PCGF3: variants seen among roughly 807,000 people sequenced by gnomAD.
The protein encoded by PCGF3 is polycomb group RING finger protein 3.
PCGF3 carries 7 observed loss-of-function variants against 33.1 expected under a neutral mutation model. The observed-to-expected ratio is 0.21, with a 90% CI of 0.12 to 0.40. PCGF3 has a LOEUF of 0.40. Ranked by LOEUF, PCGF3 falls within the 10% of genes least tolerant of loss-of-function variation. The pLI, the probability that PCGF3 is intolerant of heterozygous loss-of-function variation, is 1.00. For synonymous variants in PCGF3, 153 were observed against 121.3 expected, an observed-to-expected ratio of 1.26 and a Z score of -1.72; for missense variants, 211 against 313.3, an observed-to-expected ratio of 0.67 and a Z score of 2.46.
At chr4:769,804 G>GA (rs1274437247) in exon 11 of PCGF3, 2 of 152,828 alleles carry the variant, frequency 1.3e-5, no homozygotes, top group East Asian at 3.9e-4. Context: ...TTGGGTTGGG[G>GA]AAGACAGTGC....
At chr4:749,732 G>A (rs552675815) in intron 8 of PCGF3, among the ~76,000 whole-genome samples, 4 of 152,174 alleles carry the variant, frequency 2.6e-5, no homozygotes, top group Non-Finnish European at 4.4e-5. Context: ...TGATCCACCT[G>A]CCTCGGCTTC....
At chr4:708,134 G>A (rs528927061) in intron 1 of PCGF3, among the ~76,000 whole-genome samples, 33 of 152,184 alleles carry the variant, frequency 2.2e-4, no homozygotes, top group African/African-American at 7.2e-4. Context: ...CCCAGGGCCC[G>A]GCACCCTGAG....
In PCGF3 at chr4:724,360, C is replaced by T. The variant is rs575890526; in HGVS notation, c.-189-6270C>T. The stretch of plus-strand genomic sequence containing the variant: ...CAGTCCTGTGGGCCACCACAGCCGG[C>T]CGCACAGGCAGGGAAGGTGAAGCTC... On this transcript the variant is annotated intron_variant, in intron 1 of 10. Transcript: ENST00000362003. Among the ~76,000 whole-genome samples the T allele has an allele frequency of 3.4e-4, 52 of 152,328 alleles. No individual in the cohort carries two copies. In the Middle Eastern group the frequency reaches 0.014, roughly 40 times the overall value.
chr4:737,479 A>C, exon 6 of PCGF3: 10 of 1,609,828 alleles, frequency 6.2e-6, no homozygotes, highest in Non-Finnish European at 8.5e-6. Flanking sequence ...TGACAGAACC[A>C]TGCAAGATAT....
chr4:743,375 A>C (rs1034067288), intron 6 of PCGF3, 99 bp from the exon 7 acceptor site: 13 of 709,602 alleles, frequency 1.8e-5, no homozygotes, highest in South Asian at 3.4e-5. Flanking sequence ...CAAACTTCAT[A>C]ATGCAAATCC....
intron 4 of PCGF3, chr4:734,142 A>C (rs1282954132): frequency 6.4e-7 from 1 of 1,550,492 alleles, no homozygotes; most frequent in Non-Finnish European, 8.7e-7. Flanking sequence ...GGAACCTTCC[A>C]GTGTGTTCTT....
intron 8 of PCGF3, among the ~76,000 whole-genome samples, chr4:748,051 C>T (rs1026132721): frequency 5.9e-5 from 9 of 152,102 alleles, no homozygotes; most frequent in Non-Finnish European, 1.3e-4. Flanking sequence ...GAAAGTAAAG[C>T]CTGGCAGTGT....
At chr4:753,059 C>G (rs1744597248) in intron 8 of PCGF3, among the ~76,000 whole-genome samples, 1 of 152,254 alleles carries the variant, frequency 6.6e-6, no homozygotes, top group South Asian at 2.1e-4. Flanking sequence ...CACTGGAGGC[C>G]CCTCTGGGTG....
chr4:707,315 A>T (rs1577389147), intron 1 of PCGF3, among the ~76,000 whole-genome samples: 1 of 152,228 alleles, frequency 6.6e-6, no homozygotes, highest in South Asian at 2.1e-4. Context: ...TAGATCCCCC[A>T]GGAAGGTCCT....
chr4:760,882 TC>T (rs1745017001), intron 8 of PCGF3, among the ~76,000 whole-genome samples: 1 of 152,212 alleles, frequency 6.6e-6, no homozygotes, highest in South Asian at 2.1e-4. Context: ...CCTACTGTCT[TC>T]CTGCAGTCGC....
At chr4:767,574 C>T (rs1176168462) in exon 11 of PCGF3, 3 of 152,096 alleles carry the variant, frequency 2.0e-5, no homozygotes, top group Non-Finnish European at 2.9e-5. Context: ...TCGCTGTTTT[C>T]TTCTGCTTCC....
intron 6 of PCGF3, among the ~76,000 whole-genome samples, chr4:738,511 G>A (rs4690297): frequency 0.078 from 11,807 of 152,160 alleles, 502 homozygotes; most frequent in South Asian, 0.14. Flanking sequence ...GCGGGATCGG[G>A]GCGGGACCCC....
chr4:713,107 T>C lies in PCGF3; in HGVS notation c.-190+7137T>C, dbSNP rs1340903578. Among the ~76,000 whole-genome samples the C allele has an allele frequency of 2.7e-5, 4 of 150,710 alleles. No individual in the cohort carries two copies. The East Asian group carries it at 8.0e-4, about 30-fold the overall frequency. Reference sequence around the variant, plus strand: ...TGGGTCCTATGTTCTTCGTGGGTCCTGTGTGGTCTGGTGGGGGCTGTGGCC... The same window carrying C: ...TGGGTCCTATGTTCTTCGTGGGTCCCGTGTGGTCTGGTGGGGGCTGTGGCC... On this transcript the variant is annotated intron_variant, in intron 1 of 10. Coordinates refer to ENST00000362003, the Ensembl canonical transcript of PCGF3.
chr4:731,631 C>T (rs1743569935), intron 3 of PCGF3, among the ~76,000 whole-genome samples: 1 of 85,384 alleles, frequency 1.2e-5, no homozygotes, highest in Non-Finnish European at 2.7e-5. Context: ...GCGTGGTCCT[C>T]AGGGGCGTAG....
intron 8 of PCGF3, among the ~76,000 whole-genome samples, chr4:760,349 T>A (rs750946386): frequency 2.1e-5 from 3 of 144,388 alleles, no homozygotes; most frequent in Non-Finnish European, 3.0e-5. Context: ...TTATCTCTAC[T>A]CCTGATGGGT....
At chr4:766,307 C>G in exon 11 of PCGF3, 1 of 480,606 alleles carries the variant, frequency 2.1e-6, no homozygotes, top group Non-Finnish European at 3.7e-6. Context: ...TCCTCTCCCC[C>G]GCCCCACCCC....
intron 1 of PCGF3, among the ~76,000 whole-genome samples, chr4:711,892 C>T (rs1013429576): frequency 6.7e-6 from 1 of 150,288 alleles, no homozygotes; most frequent in Non-Finnish European, 1.5e-5. Flanking sequence ...ACCCGGGAAG[C>T]GGAGTTTGCA....
intron 1 of PCGF3, among the ~76,000 whole-genome samples, chr4:726,313 TG>T (rs1323503728): frequency 6.6e-6 from 1 of 152,222 alleles, no homozygotes; most frequent in Admixed American, 6.5e-5. Context: ...AGGGAGCAGA[TG>T]GTGAATATCG....
intron 8 of PCGF3, among the ~76,000 whole-genome samples, chr4:751,989 C>T (rs557224214): frequency 6.6e-6 from 1 of 152,402 alleles, no homozygotes; most frequent in South Asian, 2.1e-4. Context: ...CAAGTTTAGT[C>T]ATCGCTGAGC....
Sources: allele counts gnomAD v4.1 joint callset (sites outside exome capture counted in the v4.1 genomes callset), GRCh38; gene constraint gnomAD v4.1.1; transcripts MANE v1.5; gene names NCBI Gene and HGNC (gene_info 2026-07-23, HGNC 2026-07-21).